Variants in TET2 observed in about 807,000 individuals in gnomAD.
TET2 encodes the protein tet methylcytosine dioxygenase 2, also known as methylcytosine dioxygenase TET2.
In TET2, 299 loss-of-function variants were observed where a neutral mutation model predicts 142.9. That is an observed-to-expected ratio of 2.09 (90% CI 1.90 to 2.30). TET2 has a LOEUF of 2.30. Ranked by LOEUF, TET2 falls within the 30% of genes most tolerant of loss-of-function variation. The pLI is 0.00. For synonymous variants in TET2, 819 were observed against 849.0 expected (o/e 0.96, Z 0.61); for missense variants, 2,418 against 2,378.0 (o/e 1.02, Z -0.35).
At chr4:105,224,797 A>G (rs1320349123) in intron 2 of TET2, among the ~76,000 whole-genome samples, 5 of 148,894 alleles carry the variant, frequency 3.4e-5, no homozygotes. Flanking sequence ...TAATTGTTGC[A>G]TGTTTCTATT....
At chr4:105,175,717 G>T (rs749807290) in intron 1 of TET2, among the ~76,000 whole-genome samples, 1 of 151,894 alleles carries the variant, frequency 6.6e-6, no homozygotes, top group African/African-American at 2.4e-5. Context: ...CTTCTCCAGA[G>T]AGCTCAAAGA....
chr4:105,245,039 G>T (rs1729518720), intron 6 of TET2, among the ~76,000 whole-genome samples: 2 of 152,206 alleles, frequency 1.3e-5, no homozygotes, highest in Admixed American at 1.3e-4. Flanking sequence ...CATTGCAACA[G>T]CTAGCCAAAT....
At chr4:105,205,977 A>C (rs1270065078) in intron 2 of TET2, among the ~76,000 whole-genome samples, 1 of 152,182 alleles carries the variant, frequency 6.6e-6, no homozygotes, top group Non-Finnish European at 1.5e-5. Flanking sequence ...TATCACTGAC[A>C]AACTTTTTTC....
chr4:105,275,268 AGATATCTATG>A lies in TET2; in HGVS notation c.4761_4770del (p.Asp1587GlufsTer6). 1 of 1,552,296 alleles carries A rather than the reference AGATATCTATG, an allele frequency of 6.4e-7. No homozygotes were observed. The highest frequency in any genetic ancestry group is 8.7e-7 in the Non-Finnish European group (1 of 1,147,110). On this transcript the variant is annotated frameshift_variant, in exon 11 of 11. Coordinates refer to ENST00000380013, the MANE Select transcript of TET2 (RefSeq NM_001127208.3). LOFTEE classifies it low-confidence loss of function (END_TRUNC). ...CTTATCCAAACTCTTCACACACTTC[AGATATCTATG>A]GAAGCACCAGCCCTATGAACTTCTA...
At chr4:105,195,429 A>G (rs1252471435) in intron 2 of TET2, among the ~76,000 whole-genome samples, 2 of 152,192 alleles carry the variant, frequency 1.3e-5, no homozygotes, top group Non-Finnish European at 2.9e-5. Flanking sequence ...ATGTTCTAGA[A>G]GAATCTATGA....
In TET2 at chr4:105,198,926, A is replaced by C. The variant is rs1578603671; in HGVS notation, c.-47+8421A>C. Among the ~76,000 whole-genome samples the C allele has an allele frequency of 3.9e-5, 6 of 152,344 alleles. No individual in the cohort carries two copies. In the South Asian group the frequency reaches 1.2e-3, roughly 32 times the overall value. ...ACTTAATTATAATTAACACTTGCAG[A>C]ACATTTGATACTTACATTTTTTTTT... On this transcript the variant is annotated intron_variant, in intron 2 of 10. Coordinates refer to ENST00000380013, the MANE Select transcript of TET2 (RefSeq NM_001127208.3).
Position 105,236,127 on chromosome 4 carries a change from C to T in TET2, c.2185C>T (p.Gln729Ter), listed in dbSNP as rs1323211736. The T allele has an allele frequency of 2.5e-6, 4 of 1,613,970 alleles. No homozygotes were observed. Among genetic ancestry groups the T allele is most frequent in the Non-Finnish European group, 1.7e-6 (2 of 1,179,988 alleles). The change falls in exon 3 of 11, where the codon CAA becomes TAA. Residue 729 changes from glutamine (Q) to a stop codon, truncating the protein, a stop_gained. Transcript: ENST00000380013. LOFTEE classifies it high-confidence loss of function. ...ACATAAGCCTCATAAACAGGCAGCA[C>T]AAACACAACCATCCCAGAGTTCACA... ...LQHKPHKQAA[Q>*]TQPSQSSHLP...
At chr4:105,225,320 A>C (rs76283583) in intron 2 of TET2, among the ~76,000 whole-genome samples, 9,678 of 152,070 alleles carry the variant, frequency 0.064, 404 homozygotes, top group Non-Finnish European at 0.092. Flanking sequence ...TAATCAGAAG[A>C]GCTTCTACAA....
chr4:105,256,348 T>C (rs1730132378), intron 6 of TET2, among the ~76,000 whole-genome samples: 2 of 152,160 alleles, frequency 1.3e-5, no homozygotes, highest in Admixed American at 6.5e-5. Flanking sequence ...TAATTTATTA[T>C]ATAATACATT....
chr4:105,156,496 G>C (rs1284567571), intron 1 of TET2, among the ~76,000 whole-genome samples: 1 of 152,172 alleles, frequency 6.6e-6, no homozygotes, highest in Non-Finnish European at 1.5e-5. Context: ...TGCCTCATTA[G>C]CCATTGCTAA....
Position 105,261,757 on chromosome 4 carries a change from A to G in TET2, c.3955-2A>G. 3 of 1,531,918 alleles carry G rather than the reference A, an allele frequency of 2.0e-6. No homozygotes were observed. The highest frequency in any genetic ancestry group is 2.0e-5 in the Admixed American group (1 of 50,506). The allele number at this position is 1,531,918 out of a possible 1,614,324, so 94.9% of individuals were successfully genotyped here. A position where few individuals can be genotyped will look rare whatever the true frequency, so the allele number is the denominator to read the frequency against. On this transcript the variant is annotated splice_acceptor_variant, in intron 7 of 10. Transcript: ENST00000380013. LOFTEE classifies it high-confidence loss of function. ...ATATGTAGAATTATTCACTTTATAC[A>G]GGAAGAGAAACTGGAGTCTCATTTG... is the stretch of plus-strand genomic sequence containing the variant.
At position 105,236,573 on chromosome 4, in the gene TET2, T is replaced by A. The variant is rs962619810; in HGVS notation, c.2631T>A (p.Asp877Glu). ...YFPNNVIPKQ[D>E]LLHRCFQEQE... Reference sequence around the variant, plus strand: ...CAAATAATGTGATCCCAAAGCAAGATCTTCTTCACAGGTGCTTTCAAGAAC... The same window carrying A: ...CAAATAATGTGATCCCAAAGCAAGAACTTCTTCACAGGTGCTTTCAAGAAC... The change falls in exon 3 of 11, where the codon GAT becomes GAA. Residue 877 changes from aspartate to glutamate, a missense_variant. Coordinates refer to ENST00000380013, the MANE Select transcript of TET2 (RefSeq NM_001127208.3). The A allele has an allele frequency of 1.1e-5, 18 of 1,614,004 alleles. No homozygotes were observed. The highest frequency in any genetic ancestry group is 8.3e-5 in the Admixed American group (5 of 59,968).
intron 2 of TET2, among the ~76,000 whole-genome samples, chr4:105,206,972 T>C (rs1246909103): frequency 6.6e-6 from 1 of 152,306 alleles, no homozygotes; most frequent in Admixed American, 6.5e-5. Flanking sequence ...AGCCAAGTCA[T>C]ATAAAACAAG....
chr4:105,197,885 C>G (rs1203786891), intron 2 of TET2, among the ~76,000 whole-genome samples: 2 of 152,058 alleles, frequency 1.3e-5, no homozygotes, highest in Non-Finnish European at 2.9e-5. Context: ...TTTTAATTGT[C>G]CCTTTCTGTT....
upstream of TET2, chr4:105,146,151 G>A (rs1723006874): frequency 6.5e-6 from 1 of 152,836 alleles, no homozygotes; most frequent in South Asian, 2.1e-4. Context: ...GCGGGGGCCA[G>A]AGCGAGGGCA....
At chr4:105,198,700 C>T (rs1265561513) in intron 2 of TET2, among the ~76,000 whole-genome samples, 1 of 152,118 alleles carries the variant, frequency 6.6e-6, no homozygotes, top group African/African-American at 2.4e-5. Context: ...TGAACATTCC[C>T]TTTCCATACC....
intron 8 of TET2, among the ~76,000 whole-genome samples, chr4:105,264,008 T>C (rs1414868405): frequency 6.6e-6 from 1 of 152,080 alleles, no homozygotes; most frequent in Admixed American, 6.6e-5. Context: ...TCTCGTGGGA[T>C]TAGATTAGTT....
At chr4:105,242,754 T>G (rs1729371593) in intron 4 of TET2, 80 bp from the exon 5 acceptor site, 3 of 1,521,216 alleles carry the variant, frequency 2.0e-6, no homozygotes, top group Non-Finnish European at 2.6e-6. Context: ...AAAGTTATGC[T>G]CAAATGTTCA....
intron 8 of TET2, among the ~76,000 whole-genome samples, chr4:105,268,797 C>CTCTA (rs1730812610): frequency 6.7e-6 from 1 of 150,240 alleles, no homozygotes; most frequent in African/African-American, 2.5e-5. Context: ...CATGGCAAAA[C>CTCTA]TCTATCTCTA....
Sources: allele counts gnomAD v4.1 joint callset (sites outside exome capture counted in the v4.1 genomes callset), GRCh38; gene constraint gnomAD v4.1.1; transcripts MANE v1.5; gene names NCBI Gene and HGNC (gene_info 2026-07-23, HGNC 2026-07-21).